DLGAP1: variants seen among roughly 807,000 people sequenced by gnomAD.
DLGAP1 encodes the protein DLG associated protein 1.
Under a neutral mutation model 90.8 loss-of-function variants are expected in DLGAP1, and 11 were observed. The observed-to-expected ratio is 0.12, with a 90% confidence interval of 0.08 to 0.20. The LOEUF (loss-of-function observed/expected upper bound fraction) is 0.20, where lower values mean the gene tolerates loss of function less well. Ranked by LOEUF, DLGAP1 falls within the 10% of genes least tolerant of loss-of-function variation. DLGAP1 has a pLI of 1.00. For missense variants in DLGAP1, 1,050 were observed against 1,333.8 expected, an observed-to-expected ratio of 0.79 and a Z score of 3.31; for synonymous variants, 558 against 540.7, an observed-to-expected ratio of 1.03 and a Z score of -0.44.
chr18:4,307,384 C>G (rs2080287239), intron 1 of DLGAP1, among the ~76,000 whole-genome samples: 1 of 152,128 alleles, frequency 6.6e-6, no homozygotes, highest in Non-Finnish European at 1.5e-5. Context: ...CTCTCAAATG[C>G]CATCTCTGGT....
At chr18:3,519,770 C>A (rs917124294) in intron 10 of DLGAP1, among the ~76,000 whole-genome samples, 2 of 152,324 alleles carry the variant, frequency 1.3e-5, no homozygotes, top group Non-Finnish European at 2.9e-5. Flanking sequence ...GAGGATGCAG[C>A]AACAGGCCTC....
intron 1 of DLGAP1, among the ~76,000 whole-genome samples, chr18:4,345,024 G>T (rs974859881): frequency 6.6e-6 from 1 of 152,072 alleles, no homozygotes; most frequent in South Asian, 2.1e-4. Flanking sequence ...GAATCTCAGG[G>T]CTTTGAGATG....
At chr18:4,235,562 T>G (rs749148613) in intron 1 of DLGAP1, among the ~76,000 whole-genome samples, 9 of 152,156 alleles carry the variant, frequency 5.9e-5, no homozygotes, top group Non-Finnish European at 1.3e-4. Context: ...CATAAAAATT[T>G]CTTTGTTCAT....
chr18:4,295,774 A>G (rs918409022), intron 1 of DLGAP1, among the ~76,000 whole-genome samples: 2 of 152,244 alleles, frequency 1.3e-5, no homozygotes, highest in African/African-American at 4.8e-5. Flanking sequence ...AAAAGTAAGT[A>G]AAGTGCTTAG....
intron 1 of DLGAP1, among the ~76,000 whole-genome samples, chr18:4,411,052 G>A (rs765030933): frequency 1.8e-4 from 27 of 152,162 alleles, no homozygotes; most frequent in Non-Finnish European, 2.2e-4. Flanking sequence ...AGCACCTCAC[G>A]GGTTTGGCTG....
chr18:4,225,428 G>T (rs2078165636), intron 1 of DLGAP1, among the ~76,000 whole-genome samples: 1 of 151,884 alleles, frequency 6.6e-6, no homozygotes. Flanking sequence ...GACGATCCAG[G>T]AAAACATGAC....
At chr18:3,822,029 A>G (rs1405533965) in intron 4 of DLGAP1, 12 of 957,074 alleles carry the variant, frequency 1.3e-5, no homozygotes, top group Non-Finnish European at 1.5e-5. Context: ...AAACAGAAAA[A>G]AAAAAAAAAA....
intron 2 of DLGAP1, among the ~76,000 whole-genome samples, chr18:4,086,495 T>C (rs976184784): frequency 1.3e-5 from 2 of 152,218 alleles, no homozygotes; most frequent in Non-Finnish European, 2.9e-5. Context: ...CAAGTTTCGA[T>C]ATGTTGTGTT....
At chr18:4,219,021 A>G (rs1292903666) in intron 1 of DLGAP1, among the ~76,000 whole-genome samples, 1 of 87,526 alleles carries the variant, frequency 1.1e-5, no homozygotes, top group Non-Finnish European at 2.3e-5. Context: ...TGCTAGTTCT[A>G]TCTTTGTTTT....
Position 3,937,102 on chromosome 18 carries a change from T to C in DLGAP1, c.-72-56962A>G, listed in dbSNP as rs530562696. 6.6e-5 allele frequency among the ~76,000 whole-genome samples: 10 copies of C among 152,320 alleles called. No homozygotes were observed. In the East Asian group the frequency reaches 1.9e-3, roughly 29 times the overall value. Reference sequence around the variant, plus strand: ...GGAGAGGCCAGCTTCTGAAATAATGTACGCAGGAAGGGAGGAGATTGCTGT... The same window carrying C: ...GGAGAGGCCAGCTTCTGAAATAATGCACGCAGGAAGGGAGGAGATTGCTGT... On this transcript the variant is annotated intron_variant, in intron 3 of 12. Transcript: ENST00000315677.
At chr18:4,120,585 G>T (rs1469275175) in intron 2 of DLGAP1, among the ~76,000 whole-genome samples, 1 of 152,120 alleles carries the variant, frequency 6.6e-6, no homozygotes, top group Non-Finnish European at 1.5e-5. Flanking sequence ...TATAGGTTTC[G>T]CCTGACAAGA....
chr18:3,961,250 T>C (rs911649619), intron 3 of DLGAP1, among the ~76,000 whole-genome samples: 8 of 152,140 alleles, frequency 5.3e-5, no homozygotes, highest in African/African-American at 1.7e-4. Context: ...CACACCTCCT[T>C]TGGGCCATTT....
intron 1 of DLGAP1, among the ~76,000 whole-genome samples, chr18:4,198,652 C>G (rs2077548038): frequency 6.6e-6 from 1 of 152,086 alleles, no homozygotes; most frequent in Admixed American, 6.6e-5. Context: ...CAGTAAATTG[C>G]AGTTTTCAAA....
At chr18:3,547,488 A>G (rs1485664869) in intron 9 of DLGAP1, among the ~76,000 whole-genome samples, 1 of 151,982 alleles carries the variant, frequency 6.6e-6, no homozygotes, top group Non-Finnish European at 1.5e-5. Flanking sequence ...CAAAGAGATA[A>G]AAATGGCCAA....
At chr18:3,923,624 T>G (rs952518839) in intron 3 of DLGAP1, among the ~76,000 whole-genome samples, 1 of 152,190 alleles carries the variant, frequency 6.6e-6, no homozygotes, top group Admixed American at 6.5e-5. Flanking sequence ...TTCCCAACTT[T>G]GAGTTTAAAA....
intron 3 of DLGAP1, among the ~76,000 whole-genome samples, chr18:3,953,205 G>T (rs1442052390): frequency 6.6e-6 from 1 of 152,136 alleles, no homozygotes; most frequent in Non-Finnish European, 1.5e-5. Flanking sequence ...TATAAGTTTA[G>T]GGGGTATAAG....
intron 3 of DLGAP1, among the ~76,000 whole-genome samples, chr18:3,897,294 C>CAATGTGTATATA (rs1319798022): frequency 2.0e-5 from 3 of 152,302 alleles, no homozygotes; most frequent in Admixed American, 2.0e-4. Flanking sequence ...ACTACCAAGA[C>CAATGTGTATATA]CTGTAGATAC....
chr18:4,066,859 G>T (rs7240635), intron 2 of DLGAP1, among the ~76,000 whole-genome samples: 65,279 of 151,408 alleles, frequency 0.43, 14,942 homozygotes, highest in African/African-American at 0.59. Flanking sequence ...CATTCTACCA[G>T]AAAAACACAT....
chr18:4,066,294 AG>A (rs1357921315), intron 2 of DLGAP1, among the ~76,000 whole-genome samples: 9 of 152,334 alleles, frequency 5.9e-5, no homozygotes, highest in Admixed American at 2.6e-4. Context: ...TTGCAACAAA[AG>A]CAAAAGTAGA....
Sources: allele counts gnomAD v4.1 joint callset (sites outside exome capture counted in the v4.1 genomes callset), GRCh38; gene constraint gnomAD v4.1.1; transcripts MANE v1.5; gene names NCBI Gene and HGNC (gene_info 2026-07-23, HGNC 2026-07-21).